The following FNDC3A variants were observed in gnomAD, a reference collection of about 807,000 sequenced individuals.
The protein encoded by FNDC3A is fibronectin type-III domain-containing protein 3A.
A neutral mutation model predicts 148.9 loss-of-function variants in FNDC3A; 32 were observed. The ratio of observed to expected loss-of-function variants is 0.21; its 90% CI spans 0.16 to 0.29. The LOEUF is 0.29. Ranked by LOEUF, FNDC3A falls within the 10% of genes least tolerant of loss-of-function variation. The pLI, the probability that FNDC3A is intolerant of heterozygous loss-of-function variation, is 1.00. For synonymous variants in FNDC3A, 472 were observed against 473.6 expected (o/e 1.00, Z 0.04); for missense variants, 1,191 against 1,452.8 (o/e 0.82, Z 2.93).
Position 49,004,695 on chromosome 13 carries a change from C to G in FNDC3A, c.-39-1457C>G, listed in dbSNP as rs78117937. Among the ~76,000 whole-genome samples the G allele has an allele frequency of 5.3e-3, 803 of 151,832 alleles. 6 individuals are homozygous for G. The highest frequency in any genetic ancestry group is 0.018 in the African/African-American group (756 of 41,496). ...TGGCGGCCTGCAGTTTTAGCTAAAC[C>G]TAGTACATAGAATATTGCAAATAGA... On this transcript the variant is annotated intron_variant, in intron 1 of 25. Coordinates refer to ENST00000492622, the MANE Select transcript of FNDC3A (RefSeq NM_001079673.2).
intron 3 of FNDC3A, among the ~76,000 whole-genome samples, chr13:49,091,772 G>A (rs1247330346): frequency 6.6e-6 from 1 of 152,166 alleles, no homozygotes; most frequent in African/African-American, 2.4e-5. Flanking sequence ...GAGACTATGG[G>A]CATTTGAGCC....
chr13:49,114,759 A>G (rs1170919539), intron 4 of FNDC3A, 28 bp downstream of exon 4: 3 of 1,402,926 alleles, frequency 2.1e-6, no homozygotes, highest in South Asian at 1.2e-5. Context: ...TTTTCTTTTC[A>G]TATTTGTATA....
intron 8 of FNDC3A, among the ~76,000 whole-genome samples, chr13:49,160,467 C>T (rs1884027688): frequency 6.6e-6 from 1 of 151,986 alleles, no homozygotes; most frequent in African/African-American, 2.4e-5. Context: ...TGGCGATATC[C>T]CCTTTATCAT....
chr13:49,194,927 A>G (rs1291614362), intron 19 of FNDC3A, among the ~76,000 whole-genome samples: 2 of 152,176 alleles, frequency 1.3e-5, no homozygotes, highest in Non-Finnish European at 2.9e-5. Flanking sequence ...TTCTGTTTAT[A>G]AAATGCAAGA....
chr13:49,087,342 A>G (rs1235916641), intron 3 of FNDC3A, among the ~76,000 whole-genome samples: 1 of 152,130 alleles, frequency 6.6e-6, no homozygotes, highest in Non-Finnish European at 1.5e-5. Context: ...GGCACTTTTG[A>G]TATCGTTTAG....
Position 49,153,547 on chromosome 13 carries a change from C to G in FNDC3A, c.977+7612C>G, listed in dbSNP as rs529898438. ...ATTAGATCCCATTTGTCTATTTTGT[C>G]TTTTGTTTCCATTGCTTTTGGTGTT... On this transcript the variant is annotated intron_variant, in intron 8 of 25. Coordinates refer to ENST00000492622, the MANE Select transcript of FNDC3A (RefSeq NM_001079673.2). Among the ~76,000 whole-genome samples, 264 of 152,294 alleles carry G rather than the reference C, an allele frequency of 1.7e-3. 3 individuals are homozygous for G. The highest frequency in any genetic ancestry group is 5.7e-3 in the African/African-American group (238 of 41,544).
chr13:49,203,228 G>T lies in FNDC3A; in HGVS notation c.3226G>T (p.Asp1076Tyr), dbSNP rs368997946. Residue 1076 changes from aspartate to tyrosine, a missense_variant, in exon 25 of 26, where the codon GAT becomes TAT. This residue lies in a region of FNDC3A where 751 missense variants were observed against 944.0 expected (regional missense o/e 0.80). Transcript: ENST00000492622. ...GGAGTGTTTACAGCCAATGAAAGGTGATCCAGTTATTTACAGTCTTCAAGT... is the reference window on the plus strand; with the variant it reads ...GGAGTGTTTACAGCCAATGAAAGGTTATCCAGTTATTTACAGTCTTCAAGT... ...TWECLQPMKG[D>Y]PVIYSLQVML... is the part of the protein sequence containing the mutation. 1 of 1,605,068 alleles carries T rather than the reference G, an allele frequency of 6.2e-7. No individual in the cohort carries two copies. The highest frequency in any genetic ancestry group is 1.7e-5 in the Admixed American group (1 of 59,970).
intron 2 of FNDC3A, among the ~76,000 whole-genome samples, chr13:49,018,510 TTTTTC>T (rs1873012317): frequency 6.6e-6 from 1 of 152,282 alleles, no homozygotes; most frequent in Non-Finnish European, 1.5e-5. Context: ...ATTCTAAACT[TTTTTC>T]AAAGTTTTCA....
At chr13:49,129,577 G>A (rs1295708535) in intron 4 of FNDC3A, among the ~76,000 whole-genome samples, 1 of 152,190 alleles carries the variant, frequency 6.6e-6, no homozygotes, top group East Asian at 1.9e-4. Context: ...GCAGTTCCCA[G>A]ATTCCCTTCA....
Position 49,144,701 on chromosome 13 carries a change from CAT to C in FNDC3A, c.820-1076_820-1075del, listed in dbSNP as rs1417664374. On this transcript the variant is annotated intron_variant, in intron 7 of 25. Transcript: ENST00000492622. Reference sequence around the variant, plus strand: ...AATATATAAAACATAATTGAAACCACATGTTTTTTTCTGTCACAACTTTCTCT... The same window carrying C: ...AATATATAAAACATAATTGAAACCACGTTTTTTTCTGTCACAACTTTCTCT... 3.9e-5 allele frequency among the ~76,000 whole-genome samples: 6 copies of C among 152,056 alleles called. No individual in the cohort carries two copies. The South Asian group carries it at 8.3e-4, about 21-fold the overall frequency.
intron 2 of FNDC3A, among the ~76,000 whole-genome samples, chr13:49,072,781 G>C (rs1384882984): frequency 6.6e-6 from 1 of 152,078 alleles, no homozygotes; most frequent in African/African-American, 2.4e-5. Context: ...ACCATGCCCA[G>C]CTAATACTAC....
At chr13:48,987,985 G>A (rs1195561217) in intron 1 of FNDC3A, 1 of 152,174 alleles carries the variant, frequency 6.6e-6, no homozygotes, top group Non-Finnish European at 1.5e-5. Context: ...GTGCAAGGAT[G>A]ACACACAAAT....
chr13:48,986,451 A>G (rs1393033346), intron 1 of FNDC3A, among the ~76,000 whole-genome samples: 1 of 115,426 alleles, frequency 8.7e-6, no homozygotes, highest in Non-Finnish European at 1.6e-5. Context: ...GCTGGAGTGC[A>G]ATGGCGTGAT....
chr13:49,139,369 A>G (rs766213489), intron 7 of FNDC3A, among the ~76,000 whole-genome samples: 1 of 152,186 alleles, frequency 6.6e-6, no homozygotes, highest in Non-Finnish European at 1.5e-5. Flanking sequence ...TTTAAGATTG[A>G]TAAGAATATT....
chr13:49,032,329 A>G (rs1874179957), intron 2 of FNDC3A, among the ~76,000 whole-genome samples: 1 of 152,220 alleles, frequency 6.6e-6, no homozygotes. Context: ...CATGTAAAAA[A>G]ATGAACAGCA....
intron 8 of FNDC3A, among the ~76,000 whole-genome samples, chr13:49,158,081 T>G (rs1425655661): frequency 6.6e-6 from 1 of 152,224 alleles, no homozygotes; most frequent in African/African-American, 2.4e-5. Flanking sequence ...TTTGTTTACC[T>G]AAGCAAGCCA....
At chr13:49,072,983 G>A (rs1877803692) in intron 2 of FNDC3A, among the ~76,000 whole-genome samples, 1 of 152,098 alleles carries the variant, frequency 6.6e-6, no homozygotes, top group Admixed American at 6.6e-5. Flanking sequence ...TCTCTGGCTG[G>A]ATGTACTAAG....
At chr13:49,062,384 A>G (rs1876959128) in intron 2 of FNDC3A, among the ~76,000 whole-genome samples, 1 of 152,198 alleles carries the variant, frequency 6.6e-6, no homozygotes, top group African/African-American at 2.4e-5. Context: ...GTGTTGCCTG[A>G]AGGTTAACAG....
chr13:49,135,089 T>C (rs975196415), intron 5 of FNDC3A, among the ~76,000 whole-genome samples: 1 of 151,976 alleles, frequency 6.6e-6, no homozygotes, highest in Non-Finnish European at 1.5e-5. Context: ...ACTCCTGACC[T>C]TGTGATCCAC....
Sources: allele counts gnomAD v4.1 joint callset (sites outside exome capture counted in the v4.1 genomes callset), GRCh38; gene constraint gnomAD v4.1.1; regional missense constraint gnomAD v4.1.1; transcripts MANE v1.5; gene names NCBI Gene and HGNC (gene_info 2026-07-23, HGNC 2026-07-21).